Variants in ST3GAL4 observed in about 807,000 individuals in gnomAD.
ST3GAL4 encodes ST3 beta-galactoside alpha-2,3-sialyltransferase 4.
ST3GAL4 carries 24 observed loss-of-function variants against 42.6 expected under a neutral mutation model. The ratio of observed to expected loss-of-function variants is 0.56; its 90% CI spans 0.41 to 0.79. The LOEUF (loss-of-function observed/expected upper bound fraction) is 0.79, where lower values mean the gene tolerates loss of function less well. Among genes scored for constraint, ST3GAL4 ranks in the 30% least tolerant of loss-of-function variants. The pLI is 0.00. For synonymous variants in ST3GAL4, 135 were observed against 163.2 expected, an observed-to-expected ratio of 0.83 and a Z score of 1.32; for missense variants, 311 against 430.8, an observed-to-expected ratio of 0.72 and a Z score of 2.46.
intron 1 of ST3GAL4, among the ~76,000 whole-genome samples, chr11:126,370,176 C>T (rs188877827): frequency 1.4e-4 from 22 of 152,238 alleles, no homozygotes; most frequent in African/African-American, 3.6e-4. Flanking sequence ...ACGGAAGCCC[C>T]GGGGTAAAGG....
At chr11:126,374,291 A>C (rs1203260362) in intron 1 of ST3GAL4, among the ~76,000 whole-genome samples, 3 of 151,864 alleles carry the variant, frequency 2.0e-5, no homozygotes, top group African/African-American at 7.3e-5. Context: ...GTTCCTACTA[A>C]AAATACAAAA....
At chr11:126,377,432 A>G (rs1477447969) in intron 1 of ST3GAL4, among the ~76,000 whole-genome samples, 2 of 150,646 alleles carry the variant, frequency 1.3e-5, no homozygotes, top group Non-Finnish European at 2.9e-5. Flanking sequence ...CAGCCTCCCA[A>G]AGTGCTGGGA....
At chr11:126,372,389 G>A (rs1362407462) in intron 1 of ST3GAL4, among the ~76,000 whole-genome samples, 1 of 151,796 alleles carries the variant, frequency 6.6e-6, no homozygotes, top group Non-Finnish European at 1.5e-5. Flanking sequence ...GTGTATGTCA[G>A]AATTTCTTTT....
intron 1 of ST3GAL4, among the ~76,000 whole-genome samples, chr11:126,357,046 C>T (rs1339600341): frequency 6.6e-6 from 1 of 152,208 alleles, no homozygotes; most frequent in Admixed American, 6.5e-5. Flanking sequence ...AATATTTCTC[C>T]CATGCTGTTA....
chr11:126,367,656 G>A (rs1046576842), intron 1 of ST3GAL4, among the ~76,000 whole-genome samples: 1 of 152,194 alleles, frequency 6.6e-6, no homozygotes, highest in Non-Finnish European at 1.5e-5. Context: ...TTTAAAAGAC[G>A]AGGACTCTGA....
rs1953249258 is a variant in ST3GAL4 at position 126,386,962 on chromosome 11, G to A, written c.-60-19134G>A. Among the ~76,000 whole-genome samples the A allele has an allele frequency of 6.6e-6, 1 of 152,140 alleles. No individual in the cohort carries two copies. Among genetic ancestry groups the A allele is most frequent in the Admixed American group, 6.5e-5 (1 of 15,284 alleles). The stretch of plus-strand genomic sequence containing the variant: ...GCATACAGTTTGGCAAGTAGGAGGA[G>A]GGCTGGAGCCCAGCCTCACTTGCTG... On this transcript the variant is annotated intron_variant, in intron 1 of 10. Transcript: ENST00000444328. The surrounding 1 kb of genome is among the most constrained non-coding windows in gnomAD (Gnocchi z 4.7).
chr11:126,406,182 T>A lies in ST3GAL4; in HGVS notation c.16+11T>A. ...TGGTCAGCAAGTCCCGTGAGTGTCA[T>A]CCGAGGGCTCCCCCACCCTGGAGGA... On this transcript the variant is annotated intron_variant, in intron 2 of 10. Transcript: ENST00000444328. The surrounding 1 kb of genome is among the most constrained non-coding windows in gnomAD (Gnocchi z 5.4). 6.4e-7 allele frequency: 1 copy of A among 1,557,256 alleles called. No individual in the cohort carries two copies. Among genetic ancestry groups the A allele is most frequent in the Non-Finnish European group, 8.7e-7 (1 of 1,150,486 alleles).
In ST3GAL4 at chr11:126,407,332, A is replaced by G. The variant is rs1257113681; in HGVS notation, c.263A>G (p.Tyr88Cys). ...VKTPSAYELP[Y>C]GTKGSEDLLL... ...ACGCCATCTGCTTACGAGCTGCCCT[A>G]TGGGACCAAGGGGAGTGGTAAGTTC... Residue 88 changes from tyrosine (Y) to cysteine (C), a missense_variant, in exon 5 of 11, where the codon TAT (tyrosine) becomes TGT (cysteine). Coordinates refer to ENST00000444328, the MANE Select transcript of ST3GAL4 (RefSeq NM_001254757.2). The G allele has an allele frequency of 3.1e-6, 5 of 1,614,142 alleles. No homozygotes were observed. The highest frequency in any genetic ancestry group is 1.7e-5 in the Admixed American group (1 of 60,024).
Position 126,408,114 on chromosome 11 carries a change from C to G in ST3GAL4, c.357C>G (p.Arg119=). The G allele has an allele frequency of 6.2e-7, 1 of 1,614,032 alleles. No individual in the cohort carries two copies. Among genetic ancestry groups the G allele is most frequent in the Non-Finnish European group, 8.5e-7 (1 of 1,179,996 alleles). The change falls in exon 7 of 11, where the codon CGC becomes CGG. Residue 119 remains arginine (R), a synonymous_variant. Coordinates refer to ENST00000444328, the MANE Select transcript of ST3GAL4 (RefSeq NM_001254757.2). ...TCTATGGCAGCCTCAGGTGCCGCCGCTGTGTGGTCGTGGGGAACGGGCACC... is the reference window on the plus strand; with the variant it reads ...TCTATGGCAGCCTCAGGTGCCGCCGGTGTGTGGTCGTGGGGAACGGGCACC... The part of the protein sequence containing the change: ...PKNIQSLRCR[R]CVVVGNGHRL...
chr11:126,394,588 C>G (rs1953656205), intron 1 of ST3GAL4, among the ~76,000 whole-genome samples: 1 of 152,050 alleles, frequency 6.6e-6, no homozygotes, highest in African/African-American at 2.4e-5. Context: ...CCATGCCCGG[C>G]TAATTTTTGT....
rs1240027364 is a variant in ST3GAL4, at chr11:126,391,882, A to G, written c.-60-14214A>G. Among the ~76,000 whole-genome samples the G allele has an allele frequency of 6.6e-6, 1 of 150,924 alleles. No individual in the cohort carries two copies. Among genetic ancestry groups the G allele is most frequent in the Non-Finnish European group, 1.5e-5 (1 of 67,886 alleles). On this transcript the variant is annotated intron_variant, in intron 1 of 10. Coordinates refer to ENST00000444328, the MANE Select transcript of ST3GAL4 (RefSeq NM_001254757.2). The surrounding 1 kb of genome is among the most constrained non-coding windows in gnomAD (Gnocchi z 5.5). ...TGTTTGGCCCATACCTAATGTTGTG[A>G]AGTGGAAATACTGGGGTGTGTTTTG...
At chr11:126,368,011 A>G (rs927733161) in intron 1 of ST3GAL4, among the ~76,000 whole-genome samples, 3 of 151,680 alleles carry the variant, frequency 2.0e-5, no homozygotes, top group African/African-American at 4.8e-5. Context: ...AGCTGGACAT[A>G]ATGGCGCGCG....
chr11:126,398,843 A>G lies in ST3GAL4; in HGVS notation c.-60-7253A>G, dbSNP rs1953885447. On this transcript the variant is annotated intron_variant, in intron 1 of 10. Transcript: ENST00000444328. The surrounding 1 kb of genome is among the most constrained non-coding windows in gnomAD (Gnocchi z 4.7). ...GGTAGGTCAAGCTGCACCTGGGCCCATTTAAGCCATGGCTGGGGAGGCAGA... is the reference window on the plus strand; with the variant it reads ...GGTAGGTCAAGCTGCACCTGGGCCCGTTTAAGCCATGGCTGGGGAGGCAGA... Among the ~76,000 whole-genome samples the G allele has an allele frequency of 6.6e-6, 1 of 152,180 alleles. No individual in the cohort carries two copies. The highest frequency in any genetic ancestry group is 1.5e-5 in the Non-Finnish European group (1 of 68,026).
intron 1 of ST3GAL4, among the ~76,000 whole-genome samples, chr11:126,399,005 A>AC (rs1217874315): frequency 6.6e-6 from 1 of 152,174 alleles, no homozygotes; most frequent in Non-Finnish European, 1.5e-5. Flanking sequence ...AGCTGTGATC[A>AC]CAGGTCATCT....
chr11:126,385,956 A>C (rs935334527), intron 1 of ST3GAL4, among the ~76,000 whole-genome samples: 2 of 152,054 alleles, frequency 1.3e-5, no homozygotes, highest in African/African-American at 4.8e-5. Flanking sequence ...TGTGACATCT[A>C]TACCACGTGT....
rs377341889 is a variant in ST3GAL4, at chr11:126,379,164, G to C, written c.-61+23322G>C. 6.6e-6 allele frequency among the ~76,000 whole-genome samples: 1 copy of C among 152,218 alleles called. No homozygotes were observed. Among genetic ancestry groups the C allele is most frequent in the African/African-American group, 2.4e-5 (1 of 41,460 alleles). On this transcript the variant is annotated intron_variant, in intron 1 of 10. Coordinates refer to ENST00000444328, the MANE Select transcript of ST3GAL4 (RefSeq NM_001254757.2). This position sits in a 1 kb window ranked among gnomAD's most constrained non-coding sequence, Gnocchi z 4.2. The stretch of plus-strand genomic sequence containing the variant: ...CTCACTCAAGTGTGTATGGGAGCAG[G>C]TTCTAATATTAGTTGTGATTCTTTC...
At position 126,366,172 on chromosome 11, in the gene ST3GAL4, A is replaced by T. The variant is rs1460831927; in HGVS notation, c.-61+10330A>T. Among the ~76,000 whole-genome samples the T allele has an allele frequency of 4.6e-5, 7 of 152,122 alleles. No homozygotes were observed. The highest frequency in any genetic ancestry group is 1.4e-4 in the African/African-American group (6 of 41,436). ...AGCTCCCAGGGACCTGCAAGCTGAC[A>T]AACAAAGTCTATACGAGCCAGAGCT... On this transcript the variant is annotated intron_variant, in intron 1 of 10. Coordinates refer to ENST00000444328, the MANE Select transcript of ST3GAL4 (RefSeq NM_001254757.2). The surrounding 1 kb of genome is among the most constrained non-coding windows in gnomAD (Gnocchi z 4.2).
intron 1 of ST3GAL4, among the ~76,000 whole-genome samples, chr11:126,381,703 G>A (rs1406806086): frequency 6.6e-6 from 1 of 151,144 alleles, no homozygotes; most frequent in East Asian, 2.0e-4. Context: ...ACCAGTCCTG[G>A]ATAGGCTGAG....
chr11:126,361,950 C>T (rs1273574382), intron 1 of ST3GAL4, among the ~76,000 whole-genome samples: 1 of 150,750 alleles, frequency 6.6e-6, no homozygotes, highest in African/African-American at 2.4e-5. Flanking sequence ...GGTGCGATCT[C>T]GGCTCACTGC....
Sources: allele counts gnomAD v4.1 joint callset (sites outside exome capture counted in the v4.1 genomes callset), GRCh38; gene constraint gnomAD v4.1.1; non-coding constraint Gnocchi (gnomAD v3.1); transcripts MANE v1.5; gene names NCBI Gene and HGNC (gene_info 2026-07-23, HGNC 2026-07-21).